TMEM219: variants seen among roughly 807,000 people sequenced by gnomAD.
TMEM219 encodes the protein transmembrane protein 219.
In TMEM219, 18 loss-of-function variants were observed where a neutral mutation model predicts 17.9. That is an observed-to-expected ratio of 1.01 (90% CI 0.70 to 1.49). The LOEUF (loss-of-function observed/expected upper bound fraction) is 1.49. Ranked by LOEUF, TMEM219 falls within the 40% of genes most tolerant of loss-of-function variation. The pLI, the probability that TMEM219 is intolerant of heterozygous loss-of-function variation, is 0.00. For synonymous variants in TMEM219, 113 were observed against 124.0 expected, an observed-to-expected ratio of 0.91 and a Z score of 0.59; for missense variants, 288 against 292.4, an observed-to-expected ratio of 0.99 and a Z score of 0.11.
In TMEM219 at chr16:29,971,408, G is replaced by A; in HGVS notation, c.586G>A (p.Glu196Lys). 1.2e-6 allele frequency: 2 copies of A among 1,614,102 alleles called. No individual in the cohort carries two copies. Among genetic ancestry groups the A allele is most frequent in the Non-Finnish European group, 1.7e-6 (2 of 1,180,004 alleles). The change falls in exon 5 of 6, where the codon GAG (glutamate) becomes AAG (lysine). Residue 196 changes from glutamate to lysine, a missense_variant and splice_region_variant. By Grantham distance (56) the Glu-to-Lys change is moderately conservative. Transcript: ENST00000279396. ...GLVLTKLLTS[E>K]ELALCGSRLL... ...CTCCTCTCCCTGTACCCCTCCCTAG[G>A]AGGAGCTGGCTCTGTGTGGCTCCAG...
chr16:29,966,878 T>C (rs1027664171), intron 3 of TMEM219, among the ~76,000 whole-genome samples: 1 of 151,500 alleles, frequency 6.6e-6, no homozygotes. Context: ...AATACTTAAG[T>C]TTTTTTTTAG....
At position 29,963,221 on chromosome 16, in the gene TMEM219, C is replaced by T; in HGVS notation, c.78C>T (p.Ile26=). The change falls in exon 2 of 6, where the codon ATC becomes ATT. Residue 26 remains isoleucine, a synonymous_variant. Coordinates refer to ENST00000279396, the MANE Select transcript of TMEM219 (RefSeq NM_001083613.2). ...HHPPLVCATL[I]LLLLGLSGLG... ...CACCTCTGGTCTGTGCCACTTTGAT[C>T]CTGCTGCTCCTTGGCCTCTCTGGCC... 6.2e-7 allele frequency: 1 copy of T among 1,614,032 alleles called. No individual in the cohort carries two copies. Among genetic ancestry groups the T allele is most frequent in the African/African-American group, 1.3e-5 (1 of 75,068 alleles).
At chr16:29,968,809 A>G (rs1037140952) in intron 4 of TMEM219, among the ~76,000 whole-genome samples, 2 of 152,206 alleles carry the variant, frequency 1.3e-5, no homozygotes, top group Non-Finnish European at 2.9e-5. Flanking sequence ...TTTGATCTTA[A>G]AATAGCCTTT....
chr16:29,970,917 C>G (rs2069277023), intron 4 of TMEM219, among the ~76,000 whole-genome samples: 1 of 149,618 alleles, frequency 6.7e-6, no homozygotes, highest in Non-Finnish European at 1.5e-5. Flanking sequence ...GCACTCCAGC[C>G]TGAGTTACAG....
chr16:29,966,900 C>A (rs977716547), intron 3 of TMEM219, among the ~76,000 whole-genome samples: 9 of 151,780 alleles, frequency 5.9e-5, no homozygotes, highest in African/African-American at 1.9e-4. Context: ...TTGTATAGTT[C>A]TTTAATACAT....
At chr16:29,970,181 C>T (rs2069265079) in intron 4 of TMEM219, among the ~76,000 whole-genome samples, 1 of 151,668 alleles carries the variant, frequency 6.6e-6, no homozygotes, top group Admixed American at 6.6e-5. Flanking sequence ...TTGTAGTGAG[C>T]TGAGATCATG....
At chr16:29,964,228 C>T (rs2069184019) in intron 3 of TMEM219, among the ~76,000 whole-genome samples, 1 of 151,454 alleles carries the variant, frequency 6.6e-6, no homozygotes, top group African/African-American at 2.4e-5. Context: ...GAGGCTGAGG[C>T]AGGAGAATCA....
At chr16:29,967,741 C>A (rs2069229957) in intron 3 of TMEM219, among the ~76,000 whole-genome samples, 4 of 75,748 alleles carry the variant, frequency 5.3e-5, no homozygotes, top group South Asian at 6.3e-4. Flanking sequence ...TCCTGGCTAC[C>A]ACAGTGAAAC....
At chr16:29,971,374 G>C (rs1555461440) in intron 4 of TMEM219, 34 bp from the exon 5 acceptor site, 2 of 1,612,986 alleles carry the variant, frequency 1.2e-6, no homozygotes, top group East Asian at 2.2e-5. Context: ...GGATTAACAT[G>C]TCCTCCTCCT....
Position 29,971,737 on chromosome 16 carries a change from A to G in TMEM219, c.*33+159A>G, listed in dbSNP as rs936018288. On this transcript the variant is annotated intron_variant, in intron 5 of 5. Transcript: ENST00000279396. ...CAGCTCTCCCTTAGGGACTGGGAAC[A>G]ATTTGACACCGTCAGCATTCAATAT... The G allele has an allele frequency of 1.5e-4, 82 of 546,994 alleles. No homozygotes were observed. In the South Asian group the frequency reaches 2.4e-3, roughly 16 times the overall value. The allele number at this position is 546,994 out of a possible 1,614,324, so 33.9% of individuals were successfully genotyped here.
chr16:29,962,963 C>CT, intron 1 of TMEM219, 144 bp from the exon 2 acceptor site: 1 of 706,348 alleles, frequency 1.4e-6, no homozygotes, highest in Non-Finnish European at 2.4e-6. Context: ...GGGAGTTGAA[C>CT]TTTTGGAGTC....
Position 29,971,519 on chromosome 16 carries a change from T to C in TMEM219, c.697T>C (p.Ser233Pro), listed in dbSNP as rs533484045. The C allele has an allele frequency of 3.1e-6, 5 of 1,611,072 alleles. No individual in the cohort carries two copies. Among genetic ancestry groups the C allele is most frequent in the Admixed American group, 3.4e-5 (2 of 59,472 alleles). ...TATGTGCTTCCACCCGCGCCGGGAG[T>C]CCCACTGGTCTAGAACCCGGCTCTG... Reference protein sequence around the residue: ...TAMCFHPRRESHWSRTRL With the variant: ...TAMCFHPRREPHWSRTRL The change falls in exon 5 of 6, where the codon TCC becomes CCC. Residue 233 changes from serine (S) to proline (P), a missense_variant. Coordinates refer to ENST00000279396, the MANE Select transcript of TMEM219 (RefSeq NM_001083613.2).
Position 29,971,467 on chromosome 16 carries a change from C to T in TMEM219, c.645C>T (p.Phe215=), listed in dbSNP as rs2069286894. The T allele has an allele frequency of 1.2e-6, 2 of 1,614,154 alleles. No homozygotes were observed. The highest frequency in any genetic ancestry group is 1.7e-6 in the Non-Finnish European group (2 of 1,180,032). The change falls in exon 5 of 6, where the codon TTC becomes TTT. Residue 215 remains phenylalanine (F), a synonymous_variant. Transcript: ENST00000279396. ...TCTTGGGCTCCTTCCTGCTTCTCTT[C>T]TGTGGCCTTCTCTGCTGTGTCACTG... ...LLVLGSFLLL[F]CGLLCCVTAM...
In TMEM219 at chr16:29,963,271, C is replaced by A. The variant is rs1246518488; in HGVS notation, c.128C>A (p.Thr43Asn). 3 of 1,614,090 alleles carry A rather than the reference C, an allele frequency of 1.9e-6. No individual in the cohort carries two copies. In the Admixed American group the frequency reaches 5.0e-5, roughly 27 times the overall value. ...CTGGGCCTTGGCAGCTTCCTCCTCA[C>A]CCACAGGACTGGCCTGCGCAGCCCT... ...SGLGLGSFLLTHRTGLRSPDI... is the reference protein window; with the variant it reads ...SGLGLGSFLLNHRTGLRSPDI... Residue 43 changes from threonine to asparagine, a missense_variant, in exon 2 of 6, where the codon ACC becomes AAC. By Grantham distance (65) the Thr-to-Asn change is moderately conservative. Transcript: ENST00000279396.
At chr16:29,972,223 C>T (rs981974147) in intron 5 of TMEM219, 1 of 152,152 alleles carries the variant, frequency 6.6e-6, no homozygotes, top group Admixed American at 6.6e-5. Flanking sequence ...ATTCCAATAC[C>T]CAGTTTTATG....
chr16:29,966,955 T>C (rs1274231124), intron 3 of TMEM219, among the ~76,000 whole-genome samples: 3 of 152,208 alleles, frequency 2.0e-5, no homozygotes, highest in Admixed American at 6.5e-5. Context: ...TATGTTTTTT[T>C]CTACATGGAA....
intron 5 of TMEM219, 58 bp downstream of exon 5, chr16:29,971,636 T>G: frequency 2.7e-5 from 35 of 1,316,924 alleles, no homozygotes; most frequent in East Asian, 7.7e-5. Flanking sequence ...GTGGGGGTTG[T>G]AACCGGGGTA....
At chr16:29,964,437 C>T (rs752252985) in intron 3 of TMEM219, among the ~76,000 whole-genome samples, 3 of 151,856 alleles carry the variant, frequency 2.0e-5, no homozygotes, top group Non-Finnish European at 4.4e-5. Context: ...GAGCCAAGAT[C>T]GTGCCACTGT....
intron 4 of TMEM219, among the ~76,000 whole-genome samples, chr16:29,969,192 CTTTTTTTTTTTT>C (rs1197231032): frequency 8.1e-6 from 1 of 122,990 alleles, no homozygotes; most frequent in East Asian, 2.3e-4. Context: ...TTCTTTTTCG[CTTTTTTTTTTTT>C]TTTTTTTTTT....
Sources: allele counts gnomAD v4.1 joint callset (sites outside exome capture counted in the v4.1 genomes callset), GRCh38; gene constraint gnomAD v4.1.1; transcripts MANE v1.5; gene names NCBI Gene and HGNC (gene_info 2026-07-23, HGNC 2026-07-21).